The following SLIT3 variants were observed in gnomAD, a reference collection of about 807,000 sequenced individuals.
The protein encoded by SLIT3 is slit guidance ligand 3.
SLIT3 carries 68 observed loss-of-function variants against 184.0 expected under a neutral mutation model. The ratio of observed to expected loss-of-function variants is 0.37; its 90% CI spans 0.30 to 0.45. The LOEUF is 0.45. SLIT3 is among the 20% of genes least tolerant of loss of function. SLIT3 has a pLI of 1.00. For synonymous variants in SLIT3, 831 were observed against 828.6 expected, an observed-to-expected ratio of 1.00 and a Z score of -0.05; for missense variants, 1,707 against 2,026.0, an observed-to-expected ratio of 0.84 and a Z score of 3.02.
intron 4 of SLIT3, among the ~76,000 whole-genome samples, chr5:168,923,592 C>G: frequency 6.6e-6 from 1 of 151,150 alleles, no homozygotes; most frequent in Non-Finnish European, 1.5e-5. Context: ...TCTCGACTCA[C>G]TGCAACCTCC....
chr5:168,857,412 T>C (rs1029348681), intron 5 of SLIT3, among the ~76,000 whole-genome samples: 3 of 152,174 alleles, frequency 2.0e-5, no homozygotes, highest in African/African-American at 7.2e-5. Flanking sequence ...TGTTTTAAGA[T>C]GATGTGATTT....
chr5:168,932,261 T>TG (rs765072890), intron 4 of SLIT3, among the ~76,000 whole-genome samples: 2,939 of 142,934 alleles, frequency 0.021, 169 homozygotes, highest in African/African-American at 0.071. Flanking sequence ...TTGTTGTGTT[T>TG]TTTTTTTTTT....
Position 169,232,672 on chromosome 5 carries a change from C to G in SLIT3, c.341+12033G>C, listed in dbSNP as rs889003016. ...AGCACAATTTTTTAGACAGACCATC[C>G]ATTCCAGGTGGCCTCACAGAGCCAC... On this transcript the variant is annotated intron_variant, in intron 3 of 35. Coordinates refer to ENST00000519560, the MANE Select transcript of SLIT3 (RefSeq NM_003062.4). Among the ~76,000 whole-genome samples the G allele has an allele frequency of 3.9e-5, 6 of 152,182 alleles. No individual in the cohort carries two copies. In the East Asian group the frequency reaches 1.2e-3, roughly 29 times the overall value.
At chr5:168,773,795 C>T (rs972832853) in intron 13 of SLIT3, among the ~76,000 whole-genome samples, 1 of 151,910 alleles carries the variant, frequency 6.6e-6, no homozygotes, top group East Asian at 1.9e-4. Flanking sequence ...GGGGGTTAAG[C>T]GGGGGCAGGA....
intron 4 of SLIT3, among the ~76,000 whole-genome samples, chr5:169,114,988 T>C (rs1760600958): frequency 6.6e-6 from 1 of 152,192 alleles, no homozygotes; most frequent in Non-Finnish European, 1.5e-5. Context: ...GGTGTGCTAA[T>C]CTGCCTGCAT....
rs189753660 is a variant in SLIT3 at position 169,225,336 on chromosome 5, C to T, written c.341+19369G>A. 7.9e-5 allele frequency among the ~76,000 whole-genome samples: 12 copies of T among 152,338 alleles called. No individual in the cohort carries two copies. The East Asian group carries it at 1.9e-3, about 24-fold the overall frequency. ...GAATAACCCAGCAAAATCTCTCTAA[C>T]TGGAGATGTAAGGACAATGGCAGGG... On this transcript the variant is annotated intron_variant, in intron 3 of 35. Transcript: ENST00000519560.
At chr5:168,761,921 A>AAAT (rs1554139194) in intron 15 of SLIT3, among the ~76,000 whole-genome samples, 9,195 of 110,376 alleles carry the variant, frequency 0.083, 518 homozygotes, top group African/African-American at 0.11. Context: ...AAAAAAAAAA[A>AAAT]TTTTTTTTTT....
intron 5 of SLIT3, among the ~76,000 whole-genome samples, chr5:168,852,942 T>C (rs534872865): frequency 1.6e-4 from 25 of 152,228 alleles, no homozygotes; most frequent in Non-Finnish European, 3.1e-4. Context: ...CAAGTAATAT[T>C]AAATTTAGGA....
At chr5:168,986,810 G>A (rs1452133873) in intron 4 of SLIT3, among the ~76,000 whole-genome samples, 1 of 152,128 alleles carries the variant, frequency 6.6e-6, no homozygotes, top group Non-Finnish European at 1.5e-5. Flanking sequence ...GACCTTGCAG[G>A]GCCTTTGCAC....
At chr5:168,706,267 G>C (rs931252828) in intron 26 of SLIT3, among the ~76,000 whole-genome samples, 5 of 151,340 alleles carry the variant, frequency 3.3e-5, no homozygotes, top group African/African-American at 9.8e-5. Context: ...CTGTACATTT[G>C]ATTCTTACGG....
intron 9 of SLIT3, among the ~76,000 whole-genome samples, chr5:168,800,356 C>A (rs10072460): frequency 6.6e-6 from 1 of 152,094 alleles, no homozygotes; most frequent in African/African-American, 2.4e-5. Flanking sequence ...GAGGCTGAGG[C>A]GGTTGGATCA....
intron 4 of SLIT3, among the ~76,000 whole-genome samples, chr5:168,957,800 C>T (rs548000082): frequency 2.0e-3 from 307 of 152,228 alleles, no homozygotes; most frequent in Non-Finnish European, 3.2e-3. Flanking sequence ...CAGGTGCCAC[C>T]GCTGCTAGAT....
At chr5:169,278,557 T>C (rs1766891011) in intron 1 of SLIT3, among the ~76,000 whole-genome samples, 1 of 152,164 alleles carries the variant, frequency 6.6e-6, no homozygotes, top group Non-Finnish European at 1.5e-5. Context: ...AAAAGTTAGC[T>C]CTTATTGTTA....
chr5:169,040,165 A>G (rs547523512), intron 4 of SLIT3, among the ~76,000 whole-genome samples: 12 of 152,346 alleles, frequency 7.9e-5, no homozygotes, highest in Admixed American at 3.3e-4. Flanking sequence ...CTTTTGGGAC[A>G]GAGTATATCA....
At chr5:168,982,358 C>G (rs775274147) in intron 4 of SLIT3, among the ~76,000 whole-genome samples, 1 of 152,126 alleles carries the variant, frequency 6.6e-6, no homozygotes, top group Non-Finnish European at 1.5e-5. Context: ...AGCTCTCTCT[C>G]CATGTGATAC....
At chr5:168,869,629 C>T (rs971932624) in intron 5 of SLIT3, among the ~76,000 whole-genome samples, 6 of 152,104 alleles carry the variant, frequency 3.9e-5, no homozygotes, top group African/African-American at 1.4e-4. Flanking sequence ...TTATCTCAGA[C>T]AAATACCCCA....
chr5:169,295,585 A>G (rs962100331), intron 1 of SLIT3, among the ~76,000 whole-genome samples: 1 of 152,248 alleles, frequency 6.6e-6, no homozygotes, highest in Non-Finnish European at 1.5e-5. Context: ...CAGAGCTGCA[A>G]TTCAAACCCA....
chr5:169,280,069 A>G (rs923668167), intron 1 of SLIT3, among the ~76,000 whole-genome samples: 2 of 152,258 alleles, frequency 1.3e-5, no homozygotes, highest in Non-Finnish European at 2.9e-5. Flanking sequence ...AGGATGCATC[A>G]GGAATTCAAA....
intron 4 of SLIT3, among the ~76,000 whole-genome samples, chr5:169,137,581 C>G (rs556951869): frequency 1.3e-5 from 2 of 152,070 alleles, no homozygotes; most frequent in Non-Finnish European, 2.9e-5. Context: ...CCTTCATCCA[C>G]ATCCCCCAAA....
Sources: gnomAD v4.1 joint callset for allele counts (sites outside exome capture counted in the v4.1 genomes callset) on GRCh38, gnomAD v4.1.1 for gene constraint, MANE v1.5 for transcripts, NCBI Gene and HGNC (gene_info 2026-07-23, HGNC 2026-07-21) for gene names.